Variants in ROBO2 observed in about 807,000 individuals in gnomAD.
The protein encoded by ROBO2 is roundabout guidance receptor 2.
In ROBO2, 53 loss-of-function variants were observed where a neutral mutation model predicts 160.8. The observed-to-expected ratio is 0.33, with a 90% CI of 0.26 to 0.41. The LOEUF is 0.41. ROBO2 is among the 10% of genes least tolerant of loss of function. The pLI is 1.00. For synonymous variants in ROBO2, 664 were observed against 611.7 expected (o/e 1.09, Z -1.26); for missense variants, 1,577 against 1,722.4 (o/e 0.92, Z 1.49).
chr3:76,963,460 T>C (rs2079819135), intron 2 of ROBO2, among the ~76,000 whole-genome samples: 2 of 152,148 alleles, frequency 1.3e-5, no homozygotes, highest in Non-Finnish European at 1.5e-5. Context: ...GTTCCATGAT[T>C]TTATAGAGTG....
chr3:77,035,270 A>C (rs1047097721), upstream of ROBO2, among the ~76,000 whole-genome samples: 3 of 151,952 alleles, frequency 2.0e-5, no homozygotes, highest in African/African-American at 7.2e-5. Flanking sequence ...AATCTCATCC[A>C]TGACCTCTAA....
chr3:77,362,710 C>A (rs754065730), intron 2 of ROBO2, among the ~76,000 whole-genome samples: 4 of 152,050 alleles, frequency 2.6e-5, no homozygotes, highest in Admixed American at 1.3e-4. Flanking sequence ...TTAAGACATA[C>A]CCAAGACTGG....
chr3:75,983,521 G>A (rs1477711188), intron 2 of ROBO2, among the ~76,000 whole-genome samples: 2 of 151,424 alleles, frequency 1.3e-5, no homozygotes, highest in African/African-American at 4.8e-5. Context: ...AAGTCCTGTT[G>A]AAATTAGAAT....
intron 2 of ROBO2, among the ~76,000 whole-genome samples, chr3:76,978,195 G>A (rs2059903823): frequency 6.6e-6 from 1 of 152,116 alleles, no homozygotes; most frequent in African/African-American, 2.4e-5. Flanking sequence ...CTACTTCAAG[G>A]TGGTGAGAGT....
chr3:76,062,545 C>T (rs2068103931), intron 2 of ROBO2, among the ~76,000 whole-genome samples: 1 of 152,132 alleles, frequency 6.6e-6, no homozygotes, highest in Non-Finnish European at 1.5e-5. Flanking sequence ...CTCAATCTTA[C>T]CTGGCATTCT....
At chr3:77,368,269 T>A (rs2071222264) in intron 2 of ROBO2, among the ~76,000 whole-genome samples, 1 of 152,158 alleles carries the variant, frequency 6.6e-6, no homozygotes, top group Admixed American at 6.6e-5. Context: ...TTTTGTTATT[T>A]TAATAAAGAA....
chr3:77,443,084 T>C (rs1463240919), intron 2 of ROBO2, among the ~76,000 whole-genome samples: 1 of 152,208 alleles, frequency 6.6e-6, no homozygotes, highest in African/African-American at 2.4e-5. Flanking sequence ...TTGCCATTCT[T>C]AGAGACTTTA....
At chr3:77,224,823 T>C (rs988158816) in intron 2 of ROBO2, among the ~76,000 whole-genome samples, 6 of 151,830 alleles carry the variant, frequency 4.0e-5, no homozygotes, top group African/African-American at 1.4e-4. Flanking sequence ...AGATAAGATA[T>C]ACTTTATGTT....
chr3:77,389,368 T>G (rs1054164346), intron 2 of ROBO2, among the ~76,000 whole-genome samples: 6 of 152,186 alleles, frequency 3.9e-5, no homozygotes, highest in Non-Finnish European at 7.3e-5. Context: ...CAGTTCCTCA[T>G]TTGTACTAGC....
intron 17 of ROBO2, among the ~76,000 whole-genome samples, chr3:77,594,410 A>G (rs1348606613): frequency 6.6e-6 from 1 of 152,126 alleles, no homozygotes; most frequent in African/African-American, 2.4e-5. Context: ...TGTAGGCTTG[A>G]AACTATCGGC....
chr3:77,278,855 A>G (rs756976199), intron 2 of ROBO2, among the ~76,000 whole-genome samples: 1 of 152,184 alleles, frequency 6.6e-6, no homozygotes, highest in Non-Finnish European at 1.5e-5. Context: ...AAACAAAAAT[A>G]TGACTTAAAT....
chr3:76,495,213 C>CTTTTTTTT (rs35543664), intron 2 of ROBO2, among the ~76,000 whole-genome samples: 3 of 136,298 alleles, frequency 2.2e-5, no homozygotes, highest in African/African-American at 2.7e-5. Flanking sequence ...TCTTCATTTC[C>CTTTTTTTT]TTTTTTTTTT....
chr3:76,254,277 A>G (rs1489785809), intron 2 of ROBO2, among the ~76,000 whole-genome samples: 2 of 152,124 alleles, frequency 1.3e-5, no homozygotes, highest in East Asian at 3.9e-4. Context: ...TTTGCAGTTG[A>G]GTGACTATGA....
intron 2 of ROBO2, among the ~76,000 whole-genome samples, chr3:76,127,688 G>T (rs944047468): frequency 1.7e-4 from 26 of 151,726 alleles, no homozygotes; most frequent in Admixed American, 9.2e-4. Flanking sequence ...TTATCAACGA[G>T]TGAACTCTAC....
chr3:76,803,125 G>A (rs920991691), intron 2 of ROBO2, among the ~76,000 whole-genome samples: 1 of 152,086 alleles, frequency 6.6e-6, no homozygotes, highest in Non-Finnish European at 1.5e-5. Flanking sequence ...CAACTCAATA[G>A]TAAATATTAG....
At chr3:76,398,909 G>A (rs1289538704) in intron 2 of ROBO2, among the ~76,000 whole-genome samples, 4 of 151,732 alleles carry the variant, frequency 2.6e-5, no homozygotes, top group Non-Finnish European at 5.9e-5. Context: ...TTGATGGTAA[G>A]ACTGGGTGCA....
At chr3:75,979,565 A>AATT (rs2065223184) in intron 2 of ROBO2, among the ~76,000 whole-genome samples, 1 of 151,514 alleles carries the variant, frequency 6.6e-6, no homozygotes, top group African/African-American at 2.4e-5. Context: ...CTCTTCTGGC[A>AATT]CATAATTTTT....
In ROBO2 at chr3:76,051,506, GCTT is replaced by G. The variant is rs1344483640; in HGVS notation, c.109+113908_109+113910del. 7.9e-5 allele frequency among the ~76,000 whole-genome samples: 12 copies of G among 152,202 alleles called. No individual in the cohort carries two copies. The South Asian group carries it at 2.3e-3, about 29-fold the overall frequency. On this transcript the variant is annotated intron_variant, in intron 2 of 26. Transcript: ENST00000487694. ...TCTGACAGGTAAAATGCTGAAATAA[GCTT>G]CTTGTAATGGGCGTGAATTATTTTT...
chr3:77,003,478 T>C (rs1170662575), intron 2 of ROBO2, among the ~76,000 whole-genome samples: 2 of 152,356 alleles, frequency 1.3e-5, no homozygotes, highest in Non-Finnish European at 2.9e-5. Context: ...TTTGTTTTTT[T>C]CCCATGCCTT....
Sources: allele counts gnomAD v4.1 joint callset (sites outside exome capture counted in the v4.1 genomes callset), GRCh38; gene constraint gnomAD v4.1.1; transcripts MANE v1.5; gene names NCBI Gene and HGNC (gene_info 2026-07-23, HGNC 2026-07-21).